Variants in CEP76 observed in about 807,000 individuals in gnomAD.
CEP76 encodes centrosomal protein 76.
In CEP76, 55 loss-of-function variants were observed where a neutral mutation model predicts 83.3. The ratio of observed to expected loss-of-function variants is 0.66; its 90% CI spans 0.53 to 0.83. The LOEUF (loss-of-function observed/expected upper bound fraction) is 0.83, where lower values mean the gene tolerates loss of function less well. Among genes scored for constraint, CEP76 ranks in the 40% least tolerant of loss-of-function variants. CEP76 has a pLI of 0.00. For missense variants in CEP76, 694 were observed against 799.5 expected (o/e 0.87, Z 1.59); for synonymous variants, 270 against 274.5 (o/e 0.98, Z 0.16).
chr18:12,669,032 C>CTTTTTTTT (rs71174122), downstream of CEP76, among the ~76,000 whole-genome samples: 28 of 41,952 alleles, frequency 6.7e-4, 7 homozygotes, highest in African/African-American at 2.5e-3. Context: ...ACCCCCCGCA[C>CTTTTTTTT]TTTTTTTTTT....
At chr18:12,694,116 A>T (rs2039866067) in intron 6 of CEP76, among the ~76,000 whole-genome samples, 2 of 152,316 alleles carry the variant, frequency 1.3e-5, no homozygotes, top group African/African-American at 4.8e-5. Context: ...TATTTATTTG[A>T]GTAACATCAA....
At position 12,701,072 on chromosome 18, in the gene CEP76, A is replaced by C; in HGVS notation, c.105T>G (p.Thr35=). 1 of 1,613,590 alleles carries C rather than the reference A, an allele frequency of 6.2e-7. No individual in the cohort carries two copies. Among genetic ancestry groups the C allele is most frequent in the African/African-American group, 1.3e-5 (1 of 75,040 alleles). The change falls in exon 2 of 12, where the codon ACT becomes ACG. Residue 35 remains threonine (T), a synonymous_variant. Coordinates refer to ENST00000262127, the MANE Select transcript of CEP76 (RefSeq NM_024899.4). ...HGRIREILAE[T]IREELAPDQQ... is the part of the protein sequence containing the mutation. ...GATCAGGTGCCAATTCTTCCCGTAT[A>C]GTCTCAGCAAGGATTTCTCTTATTC...
downstream of CEP76, among the ~76,000 whole-genome samples, chr18:12,669,012 G>T (rs1053425160): frequency 7.2e-6 from 1 of 138,742 alleles, no homozygotes; most frequent in Non-Finnish European, 1.5e-5. Context: ...TTACAGGCTT[G>T]AGCTACCGCA....
chr18:12,686,519 A>G (rs2039545582), intron 7 of CEP76, 69 bp from the exon 8 acceptor site: 11 of 1,129,854 alleles, frequency 9.7e-6, no homozygotes, highest in African/African-American at 1.6e-5. Flanking sequence ...TTTCAAATAC[A>G]TTAATGTAGG....
intron 4 of CEP76, among the ~76,000 whole-genome samples, chr18:12,698,511 A>C (rs773812849): frequency 1.2e-4 from 19 of 152,016 alleles, no homozygotes; most frequent in Non-Finnish European, 1.9e-4. Context: ...CTTTGCCCAG[A>C]CTTGTCTTGA....
At chr18:12,699,245 C>G in intron 3 of CEP76, 42 bp from the exon 4 acceptor site, 2 of 1,326,442 alleles carry the variant, frequency 1.5e-6, no homozygotes, top group South Asian at 2.5e-5. Context: ...TGCCAAATAA[C>G]TTAAAAGAAT....
At chr18:12,688,241 A>C (rs985860400) in intron 7 of CEP76, among the ~76,000 whole-genome samples, 24 of 152,056 alleles carry the variant, frequency 1.6e-4, no homozygotes, top group Admixed American at 2.6e-4. Context: ...AAAAAAAAAA[A>C]AAAAAACAAA....
At chr18:12,683,508 T>C (rs956253088) in intron 8 of CEP76, among the ~76,000 whole-genome samples, 3 of 151,966 alleles carry the variant, frequency 2.0e-5, no homozygotes, top group Non-Finnish European at 4.4e-5. Context: ...ATCAGCACTT[T>C]AGGAGGCAGA....
intron 9 of CEP76, among the ~76,000 whole-genome samples, chr18:12,679,991 G>A (rs969707318): frequency 3.3e-5 from 5 of 151,628 alleles, no homozygotes; most frequent in African/African-American, 1.2e-4. Context: ...AGGAGGGGGA[G>A]GCTGCAGTGG....
chr18:12,702,340 A>G (rs892976206), intron 1 of CEP76, 146 bp downstream of exon 1: 4 of 625,718 alleles, frequency 6.4e-6, no homozygotes, highest in East Asian at 6.3e-5. Flanking sequence ...CCTCAAACTC[A>G]AAGCTCTGCC....
intron 10 of CEP76, among the ~76,000 whole-genome samples, chr18:12,675,778 C>G (rs1043270237): frequency 1.3e-5 from 2 of 151,894 alleles, no homozygotes; most frequent in African/African-American, 4.8e-5. Context: ...AAGCGATTCT[C>G]CTGCCTCAGA....
rs187355773 is a variant in CEP76, at chr18:12,702,636, G to A, written c.-88C>T. 1.1e-3 allele frequency: 1,515 copies of A among 1,432,230 alleles called. No homozygotes were observed. Among genetic ancestry groups the A allele is most frequent in the Non-Finnish European group, 1.2e-3 (1,300 of 1,066,778 alleles). 88.7% of individuals were successfully genotyped at this position (1,432,230 alleles called of 1,614,324 possible). A position where few individuals can be genotyped will look rare whatever the true frequency, so the allele number is the denominator to read the frequency against. On this transcript the variant is annotated 5_prime_UTR_variant, in exon 1 of 12. Transcript: ENST00000262127. ...GGCCGGGCCAGGGAGCGTTAGGAGC[G>A]ACTGGAGCACAAAGCGCCGCAGCCG...
At chr18:12,662,281 A>G in intron 12 of CEP76, 1 of 390,860 alleles carries the variant, frequency 2.6e-6, no homozygotes, top group Non-Finnish European at 5.0e-6. Context: ...AGTGCTATTT[A>G]TACTTTCAAA....
At chr18:12,674,111 C>G (rs2039032088) in intron 11 of CEP76, among the ~76,000 whole-genome samples, 1 of 151,928 alleles carries the variant, frequency 6.6e-6, no homozygotes, top group African/African-American at 2.4e-5. Flanking sequence ...ATTGTAAAAG[C>G]TCCCATATGA....
chr18:12,688,617 TTAAC>T (rs1165940635), intron 7 of CEP76, among the ~76,000 whole-genome samples: 1 of 152,250 alleles, frequency 6.6e-6, no homozygotes, highest in African/African-American at 2.4e-5. Context: ...CACAAGCTAC[TTAAC>T]TGTTTTGAAA....
intron 11 of CEP76, among the ~76,000 whole-genome samples, chr18:12,673,843 T>C (rs922132685): frequency 1.3e-5 from 2 of 152,170 alleles, no homozygotes; most frequent in African/African-American, 4.8e-5. Flanking sequence ...AATGTGCCAC[T>C]GCACTACAGC....
At chr18:12,693,873 C>G (rs1210264838) in intron 6 of CEP76, among the ~76,000 whole-genome samples, 1 of 152,140 alleles carries the variant, frequency 6.6e-6, no homozygotes, top group African/African-American at 2.4e-5. Context: ...TAGTCTGTAA[C>G]CCAGGCTAGT....
At chr18:12,695,945 T>C (rs571329904) in intron 5 of CEP76, among the ~76,000 whole-genome samples, 1 of 152,026 alleles carries the variant, frequency 6.6e-6, no homozygotes, top group South Asian at 2.1e-4. Flanking sequence ...CACTCCCCAT[T>C]ATCCAATTAC....
downstream of CEP76, among the ~76,000 whole-genome samples, chr18:12,669,082 A>C (rs2038874524): frequency 1.0e-5 from 1 of 97,192 alleles, no homozygotes; most frequent in Admixed American, 1.3e-4. Context: ...ACTGTTTCCC[A>C]AGCTGGAGTG....
Sources: gnomAD v4.1 joint callset for allele counts (sites outside exome capture counted in the v4.1 genomes callset) on GRCh38, gnomAD v4.1.1 for gene constraint, MANE v1.5 for transcripts, NCBI Gene and HGNC (gene_info 2026-07-23, HGNC 2026-07-21) for gene names.